RIPOR3: variants seen among roughly 807,000 people sequenced by gnomAD.
RIPOR3 encodes the protein family with sequence similarity 65 member C.
In RIPOR3, 95 loss-of-function variants were observed where a neutral mutation model predicts 114.3. That is an observed-to-expected ratio of 0.83 (90% CI 0.70 to 0.99). The LOEUF (loss-of-function observed/expected upper bound fraction) is 0.99, where lower values mean the gene tolerates loss of function less well. RIPOR3 is among the 50% of genes least tolerant of loss of function. The pLI, the probability that RIPOR3 is intolerant of heterozygous loss-of-function variation, is 0.00. For missense variants in RIPOR3, 1,252 were observed against 1,266.9 expected (o/e 0.99, Z 0.18); for synonymous variants, 575 against 543.8 (o/e 1.06, Z -0.80).
At chr20:50,588,021 G>T in intron 20 of RIPOR3, 129 bp from the exon 21 acceptor site, 1 of 832,000 alleles carries the variant, frequency 1.2e-6, no homozygotes, top group Non-Finnish European at 1.8e-6. Flanking sequence ...TTTTCTCCAG[G>T]CTTCCAGGTT....
chr20:50,627,612 G>A (rs1347649355), intron 2 of RIPOR3, among the ~76,000 whole-genome samples: 1 of 151,986 alleles, frequency 6.6e-6, no homozygotes, highest in African/African-American at 2.4e-5. Context: ...GAACCTGGGA[G>A]GCGGAGGTTG....
intron 1 of RIPOR3, among the ~76,000 whole-genome samples, chr20:50,648,966 C>T (rs2085508980): frequency 6.6e-6 from 1 of 152,106 alleles, no homozygotes; most frequent in African/African-American, 2.4e-5. Flanking sequence ...GGTTGGGAAC[C>T]CTTGCTCTAA....
chr20:50,682,385 A>G (rs906461046), intron 1 of RIPOR3, among the ~76,000 whole-genome samples: 18 of 152,206 alleles, frequency 1.2e-4, no homozygotes, highest in Non-Finnish European at 2.5e-4. Context: ...AGGCAGGCTG[A>G]TTGCTTGAGG....
At chr20:50,620,701 G>A (rs1323697661) in intron 2 of RIPOR3, 1 of 309,210 alleles carries the variant, frequency 3.2e-6, no homozygotes. Context: ...TAGATTTGAG[G>A]ATTAAAAGAA....
At chr20:50,680,357 G>C (rs1014427477) in intron 1 of RIPOR3, among the ~76,000 whole-genome samples, 4 of 152,224 alleles carry the variant, frequency 2.6e-5, no homozygotes, top group Non-Finnish European at 5.9e-5. Context: ...TTTCACGGTT[G>C]GGGGTGGAGG....
chr20:50,680,322 A>G (rs1161347540), intron 1 of RIPOR3, among the ~76,000 whole-genome samples: 1 of 152,108 alleles, frequency 6.6e-6, no homozygotes, highest in Non-Finnish European at 1.5e-5. Context: ...GATCCACAGG[A>G]CCCCTTTCAT....
rs1266937565 is a variant in RIPOR3, at chr20:50,604,582, TC to T, written c.1086+62del. 7.1e-5 allele frequency: 108 copies of T among 1,524,740 alleles called. No individual in the cohort carries two copies. In the East Asian group the frequency reaches 2.6e-3, roughly 37 times the overall value. 94.5% of individuals were successfully genotyped at this position (1,524,740 alleles called of 1,614,324 possible). ...GGAGGGCCAGACTGCTCAGCCCAGC[TC>T]CTGCGTGCTGCCCCCATCCCAGGGT... On this transcript the variant is annotated intron_variant, in intron 12 of 21. Coordinates refer to ENST00000327979, the MANE Select transcript of RIPOR3 (RefSeq NM_001290268.2).
At chr20:50,621,740 T>C (rs2084414520) in intron 2 of RIPOR3, among the ~76,000 whole-genome samples, 1 of 152,222 alleles carries the variant, frequency 6.6e-6, no homozygotes, top group South Asian at 2.1e-4. Flanking sequence ...TTCCTGGATC[T>C]AGCTATGTCT....
In RIPOR3 at chr20:50,587,019, A is replaced by C. The variant is rs2082941863; in HGVS notation, c.*213T>G. Reference sequence around the variant, plus strand: ...CTGTTGAGGCCGTGCAGCCCCTGGAATGCTGTACCTTTGCCTTGCTTTTTT... The same window carrying C: ...CTGTTGAGGCCGTGCAGCCCCTGGACTGCTGTACCTTTGCCTTGCTTTTTT... On this transcript the variant is annotated 3_prime_UTR_variant, in exon 22 of 22. Coordinates refer to ENST00000327979, the MANE Select transcript of RIPOR3 (RefSeq NM_001290268.2). The C allele has an allele frequency of 5.4e-6, 3 of 558,878 alleles. No individual in the cohort carries two copies. In the Admixed American group the frequency reaches 9.2e-5, roughly 17 times the overall value. 34.6% of individuals were successfully genotyped at this position (558,878 alleles called of 1,614,324 possible).
At position 50,659,088 on chromosome 20, in the gene RIPOR3, C is replaced by A. The variant is rs1007229766; in HGVS notation, c.4-28232G>T. On this transcript the variant is annotated intron_variant, in intron 1 of 21. Coordinates refer to ENST00000327979, the MANE Select transcript of RIPOR3 (RefSeq NM_001290268.2). ...CAAGTTCTTCCAGACCGATTAGTGA[C>A]GTGGATACATTGTTTTGAAGATAAA... Among the ~76,000 whole-genome samples the A allele has an allele frequency of 4.5e-4, 69 of 152,060 alleles. 1 individual carries two copies. The highest frequency in any genetic ancestry group is 1.8e-4 in the Non-Finnish European group (12 of 68,018).
In RIPOR3 at chr20:50,602,566, C is replaced by G. The variant is rs1383741362; in HGVS notation, c.1165G>C (p.Asp389His). 4.6e-6 allele frequency: 7 copies of G among 1,537,268 alleles called. No individual in the cohort carries two copies. The highest frequency in any genetic ancestry group is 2.1e-5 in the Admixed American group (1 of 47,598). ...RATSILSYLS[D>H]SDLRGPSLRS... Reference sequence around the variant, plus strand: ...AGGCTGGGACCCCGGAGGTCGCTGTCAGACAGGTAGCTGAGGATGGAGGTG... The same window carrying G: ...AGGCTGGGACCCCGGAGGTCGCTGTGAGACAGGTAGCTGAGGATGGAGGTG... Residue 389 changes from aspartate to histidine, a missense_variant, in exon 13 of 22, where the codon GAC (aspartate) becomes CAC (histidine). Asp to His is a moderately conservative substitution (Grantham distance 81). Transcript: ENST00000327979. This position sits in a 1 kb window ranked among gnomAD's most constrained non-coding sequence, Gnocchi z 4.3.
chr20:50,677,366 ACTT>A (rs1383400039), intron 1 of RIPOR3, among the ~76,000 whole-genome samples: 1 of 73,414 alleles, frequency 1.4e-5, no homozygotes, highest in East Asian at 4.9e-4. Context: ...TTCTTGTTTT[ACTT>A]TTTTTTTTTT....
chr20:50,608,419 G>T lies in RIPOR3; in HGVS notation c.926C>A (p.Thr309Asn). ...CTGCACCTCCAGCTGCAGCTTGATG[G>T]TACCCAACTCCGTGATGTCCACCAC... ...VIVVDITELG[T>N]IKLQLEVQWN... is the part of the protein sequence containing the mutation. The change falls in exon 11 of 22, where the codon ACC becomes AAC. Residue 309 changes from threonine to asparagine, a missense_variant. By Grantham distance (65) the Thr-to-Asn change is moderately conservative. Transcript: ENST00000327979. 4.3e-6 allele frequency: 7 copies of T among 1,613,962 alleles called. No homozygotes were observed. The highest frequency in any genetic ancestry group is 5.9e-6 in the Non-Finnish European group (7 of 1,179,936).
intron 4 of RIPOR3, 152 bp downstream of exon 4, chr20:50,615,850 A>G (rs1441850208): frequency 1.5e-6 from 1 of 685,176 alleles, no homozygotes; most frequent in East Asian, 2.8e-5. Context: ...GCCAAAGTGA[A>G]GTTAACTCAG....
At chr20:50,668,028 CA>C (rs1426010406) in intron 1 of RIPOR3, among the ~76,000 whole-genome samples, 1 of 152,088 alleles carries the variant, frequency 6.6e-6, no homozygotes, top group Non-Finnish European at 1.5e-5. Flanking sequence ...GAGACTGGGG[CA>C]GGGGGTGGGA....
chr20:50,628,710 C>A (rs962230420), intron 2 of RIPOR3, among the ~76,000 whole-genome samples: 2 of 152,162 alleles, frequency 1.3e-5, no homozygotes, highest in Non-Finnish European at 2.9e-5. Context: ...GACAGCAGGG[C>A]CTGGGTCTGT....
chr20:50,608,873 C>G, intron 9 of RIPOR3, 39 bp downstream of exon 9: 1 of 1,601,540 alleles, frequency 6.2e-7, no homozygotes, highest in Non-Finnish European at 8.5e-7. Context: ...AAAGACCTGG[C>G]GGGGAGCCCT....
At chr20:50,590,647 C>T (rs190517089) in intron 19 of RIPOR3, among the ~76,000 whole-genome samples, 1 of 152,160 alleles carries the variant, frequency 6.6e-6, no homozygotes. Flanking sequence ...GAGGCCACAT[C>T]GGTGTGGAAA....
rs149157445 is a variant in RIPOR3 at position 50,663,625 on chromosome 20, T to C, written c.3+27501A>G. 4.8e-3 allele frequency among the ~76,000 whole-genome samples: 737 copies of C among 152,294 alleles called. 6 individuals carry two copies. Among genetic ancestry groups the C allele is most frequent in the African/African-American group, 0.017 (709 of 41,570 alleles). The stretch of plus-strand genomic sequence containing the variant: ...GGCCCCTAGAGGTCAGGACAGCCTT[T>C]CGGTACCTTTCTATGGCAAACAAGC... On this transcript the variant is annotated intron_variant, in intron 1 of 21. Coordinates refer to ENST00000327979, the MANE Select transcript of RIPOR3 (RefSeq NM_001290268.2).
Sources: allele counts gnomAD v4.1 joint callset (sites outside exome capture counted in the v4.1 genomes callset), GRCh38; gene constraint gnomAD v4.1.1; non-coding constraint Gnocchi (gnomAD v3.1); transcripts MANE v1.5; gene names NCBI Gene and HGNC (gene_info 2026-07-23, HGNC 2026-07-21).